The following ITGB6 variants were observed in gnomAD, a reference collection of about 807,000 sequenced individuals.
ITGB6 encodes the protein integrin subunit beta 6.
In ITGB6, 80 loss-of-function variants were observed where a neutral mutation model predicts 84.5. The observed-to-expected ratio is 0.95, with a 90% CI of 0.79 to 1.14. The LOEUF (loss-of-function observed/expected upper bound fraction) is 1.14, where lower values mean the gene tolerates loss of function less well. Ranked by LOEUF, ITGB6 falls within the 50% of genes most tolerant of loss-of-function variation. The probability of loss-of-function intolerance (pLI) is 0.00; values close to 1 mark genes in which losing one functional copy is unlikely to be tolerated. For missense variants in ITGB6, 1,006 were observed against 968.0 expected (o/e 1.04, Z -0.52); for synonymous variants, 383 against 354.9 (o/e 1.08, Z -0.89).
intron 4 of ITGB6, among the ~76,000 whole-genome samples, chr2:160,182,219 C>G (rs976587203): frequency 6.6e-6 from 1 of 152,018 alleles, no homozygotes; most frequent in Non-Finnish European, 1.5e-5. Flanking sequence ...ATGTTCTAAC[C>G]CAATGCAAGG....
At chr2:160,134,529 G>A (rs1015870427) in intron 10 of ITGB6, among the ~76,000 whole-genome samples, 6 of 152,156 alleles carry the variant, frequency 3.9e-5, no homozygotes, top group Non-Finnish European at 7.3e-5. Context: ...AATAGAAAAA[G>A]GGGGAATCCT....
intron 2 of ITGB6, among the ~76,000 whole-genome samples, chr2:160,198,737 C>T (rs532457827): frequency 6.6e-6 from 1 of 152,314 alleles, no homozygotes; most frequent in South Asian, 2.1e-4. Context: ...AAACTTAAAA[C>T]ACATCCCTTA....
intron 7 of ITGB6, among the ~76,000 whole-genome samples, chr2:160,156,395 C>A (rs966868180): frequency 1.1e-4 from 16 of 152,314 alleles, no homozygotes; most frequent in South Asian, 6.2e-4. Context: ...GAGGTCCTCA[C>A]AAGCCTCTTG....
chr2:160,102,934 G>C (rs1218767127), intron 14 of ITGB6, among the ~76,000 whole-genome samples: 1 of 152,130 alleles, frequency 6.6e-6, no homozygotes, highest in African/African-American at 2.4e-5. Flanking sequence ...CTCCATAAAT[G>C]CTGCCTCTTC....
At chr2:160,161,530 A>C (rs898334717) in intron 7 of ITGB6, among the ~76,000 whole-genome samples, 2 of 152,028 alleles carry the variant, frequency 1.3e-5, no homozygotes, top group African/African-American at 4.8e-5. Flanking sequence ...ACCTCGAGTG[A>C]ACCACCCACC....
chr2:160,111,833 G>A (rs758375083), intron 13 of ITGB6, among the ~76,000 whole-genome samples: 3 of 152,054 alleles, frequency 2.0e-5, no homozygotes, highest in Non-Finnish European at 2.9e-5. Context: ...ACCCTCCTCG[G>A]CCTCCCAAAG....
At chr2:160,112,225 G>A (rs755597006) in intron 12 of ITGB6, 26 bp from the exon 13 acceptor site, 5 of 1,538,860 alleles carry the variant, frequency 3.2e-6, no homozygotes, top group Non-Finnish European at 3.5e-6. Context: ...TCATTCATTA[G>A]GTTAAACAAG....
At chr2:160,186,398 A>C (rs1685899162) in intron 4 of ITGB6, among the ~76,000 whole-genome samples, 1 of 152,224 alleles carries the variant, frequency 6.6e-6, no homozygotes, top group Non-Finnish European at 1.5e-5. Flanking sequence ...GAGAAATGCA[A>C]ATCAAAACCA....
intron 11 of ITGB6, among the ~76,000 whole-genome samples, chr2:160,125,014 T>C (rs187464982): frequency 1.2e-3 from 188 of 152,364 alleles, no homozygotes; most frequent in Non-Finnish European, 1.4e-3. Context: ...CAATGATGGC[T>C]GCCCTAGCTA....
chr2:160,115,602 T>C (rs910906028), intron 12 of ITGB6, among the ~76,000 whole-genome samples: 1 of 151,816 alleles, frequency 6.6e-6, no homozygotes, highest in Non-Finnish European at 1.5e-5. Flanking sequence ...AAAAGCAGAG[T>C]GCCTCTCCTC....
chr2:160,169,322 T>C lies in ITGB6; in HGVS notation c.922-15A>G. 1 of 1,348,372 alleles carries C rather than the reference T, an allele frequency of 7.4e-7. No individual in the cohort carries two copies. Among genetic ancestry groups the C allele is most frequent in the Non-Finnish European group, 1.0e-6 (1 of 957,810 alleles). The allele number at this position is 1,348,372 out of a possible 1,614,324, so 83.5% of individuals were successfully genotyped here. A position where few individuals can be genotyped will look rare whatever the true frequency, so the allele number is the denominator to read the frequency against. On this transcript the variant is annotated splice_polypyrimidine_tract_variant and intron_variant, in intron 6 of 14. Coordinates refer to ENST00000283249, the MANE Select transcript of ITGB6 (RefSeq NM_000888.5). Reference sequence around the variant, plus strand: ...GTTGGATATTCCTAAAATTAACATATATAATTTTGCATCATCTCAATAAAA... The same window carrying C: ...GTTGGATATTCCTAAAATTAACATACATAATTTTGCATCATCTCAATAAAA...
At chr2:160,154,877 G>A (rs990200586) in intron 7 of ITGB6, among the ~76,000 whole-genome samples, 8 of 152,152 alleles carry the variant, frequency 5.3e-5, no homozygotes, top group Admixed American at 3.9e-4. Context: ...TTGGGTCTCC[G>A]CCCAAATCTC....
chr2:160,179,733 A>G (rs946719035), intron 4 of ITGB6, among the ~76,000 whole-genome samples: 1 of 151,912 alleles, frequency 6.6e-6, no homozygotes, highest in Non-Finnish European at 1.5e-5. Context: ...TTGCAAAACT[A>G]CAATGAACTC....
At chr2:160,126,706 G>T in intron 10 of ITGB6, 105 bp from the exon 11 acceptor site, 1 of 1,077,176 alleles carries the variant, frequency 9.3e-7, no homozygotes, top group Non-Finnish European at 1.4e-6. Flanking sequence ...GTCATCAAAA[G>T]ACAAGAAAAA....
At chr2:160,117,306 C>A (rs932302181) in intron 12 of ITGB6, among the ~76,000 whole-genome samples, 1 of 151,834 alleles carries the variant, frequency 6.6e-6, no homozygotes, top group Non-Finnish European at 1.5e-5. Context: ...GAAATTATAA[C>A]AAACTGTCTC....
intron 4 of ITGB6, among the ~76,000 whole-genome samples, chr2:160,193,219 T>C (rs1294332613): frequency 6.6e-6 from 1 of 152,068 alleles, no homozygotes; most frequent in African/African-American, 2.4e-5. Flanking sequence ...CTCCCCAAAA[T>C]AGAAACAACC....
intron 2 of ITGB6, 145 bp downstream of exon 2, chr2:160,199,034 C>T (rs1470431399): frequency 3.4e-6 from 2 of 589,784 alleles, no homozygotes; most frequent in East Asian, 5.7e-5. Context: ...TTTGATCTAC[C>T]AATGCTCACC....
chr2:160,135,082 G>T (rs917518402), intron 10 of ITGB6, among the ~76,000 whole-genome samples: 1 of 151,878 alleles, frequency 6.6e-6, no homozygotes, highest in Non-Finnish European at 1.5e-5. Flanking sequence ...AAGAAATAAA[G>T]GGTATTCAAT....
intron 7 of ITGB6, among the ~76,000 whole-genome samples, chr2:160,144,818 G>A (rs1684132146): frequency 6.6e-6 from 1 of 152,336 alleles, no homozygotes; most frequent in Non-Finnish European, 1.5e-5. Context: ...ATTAGGACAA[G>A]TGGTTACCAT....
Sources: allele counts gnomAD v4.1 joint callset (sites outside exome capture counted in the v4.1 genomes callset), GRCh38; gene constraint gnomAD v4.1.1; transcripts MANE v1.5; gene names NCBI Gene and HGNC (gene_info 2026-07-23, HGNC 2026-07-21).